Variants in WDR33 observed in about 807,000 individuals in gnomAD.
WDR33 encodes the protein WD repeat domain 33.
A neutral mutation model predicts 164.9 loss-of-function variants in WDR33; 47 were observed. The ratio of observed to expected loss-of-function variants is 0.29; its 90% CI spans 0.23 to 0.36. WDR33 has a LOEUF of 0.36. WDR33 is among the 10% of genes least tolerant of loss of function. WDR33 has a pLI of 1.00. For missense variants in WDR33, 1,137 were observed against 1,754.1 expected, an observed-to-expected ratio of 0.65 and a Z score of 6.28; for synonymous variants, 505 against 589.0, an observed-to-expected ratio of 0.86 and a Z score of 2.06.
rs1365438894 is a variant in WDR33, at chr2:127,730,707, T to C, written c.725-3930A>G. ...AATCATCTTAACATATGTGTGTACA[T>C]TTTGTACATTTTATACTTGTACATT... is the stretch of plus-strand genomic sequence containing the variant. On this transcript the variant is annotated intron_variant, in intron 7 of 21. Coordinates refer to ENST00000322313, the MANE Select transcript of WDR33 (RefSeq NM_018383.5). Among the ~76,000 whole-genome samples the C allele has an allele frequency of 2.0e-5, 3 of 152,328 alleles. No homozygotes were observed. In the East Asian group the frequency reaches 5.8e-4, roughly 29 times the overall value.
At position 127,741,910 on chromosome 2, in the gene WDR33, A is replaced by G. The variant is rs1473118942; in HGVS notation, c.725-15133T>C. On this transcript the variant is annotated intron_variant, in intron 7 of 21. Transcript: ENST00000322313. The surrounding 1 kb of genome is among the most constrained non-coding windows in gnomAD (Gnocchi z 4.1). ...AGTAAACATGCAGTTGATAAAAATA[A>G]CACTTTCCGGCTGGGCACGGTGGCT... Among the ~76,000 whole-genome samples, 1 of 152,170 alleles carries G rather than the reference A, an allele frequency of 6.6e-6. No homozygotes were observed. The highest frequency in any genetic ancestry group is 1.5e-5 in the Non-Finnish European group (1 of 68,024).
chr2:127,759,059 C>A (rs930382773), intron 7 of WDR33, among the ~76,000 whole-genome samples: 5 of 152,022 alleles, frequency 3.3e-5, no homozygotes, highest in African/African-American at 1.2e-4. Flanking sequence ...GGGGAAATTT[C>A]TTTTTAATTT....
At position 127,713,268 on chromosome 2, in the gene WDR33, CAAG is replaced by C. The variant is rs1023293988; in HGVS notation, c.3308+312_3308+314del. Among the ~76,000 whole-genome samples, 1 of 152,124 alleles carries C rather than the reference CAAG, an allele frequency of 6.6e-6. No individual in the cohort carries two copies. The highest frequency in any genetic ancestry group is 1.5e-5 in the Non-Finnish European group (1 of 68,026). On this transcript the variant is annotated intron_variant, in intron 18 of 21. Coordinates refer to ENST00000322313, the MANE Select transcript of WDR33 (RefSeq NM_018383.5). The surrounding 1 kb of genome is among the most constrained non-coding windows in gnomAD (Gnocchi z 6.2). ...CTGCCTCATATTTCCTTATTCTAATCAAGAAGAACCTGGAAATTTTAAGTCAGA... is the reference window on the plus strand; with the variant it reads ...CTGCCTCATATTTCCTTATTCTAATCAAGAACCTGGAAATTTTAAGTCAGA...
intron 1 of WDR33, among the ~76,000 whole-genome samples, chr2:127,783,468 G>A (rs1293900198): frequency 6.6e-6 from 1 of 152,048 alleles, no homozygotes; most frequent in African/African-American, 2.4e-5. Context: ...AAAGCAAAAG[G>A]GTTTTCCTAC....
chr2:127,761,394 G>C (rs1196554493), intron 7 of WDR33, among the ~76,000 whole-genome samples: 7 of 152,084 alleles, frequency 4.6e-5, no homozygotes, highest in Admixed American at 4.6e-4. Flanking sequence ...TAGAGACAGA[G>C]TTTCATGGTG....
intron 7 of WDR33, among the ~76,000 whole-genome samples, chr2:127,761,047 T>G (rs1242477778): frequency 6.6e-6 from 1 of 152,188 alleles, no homozygotes; most frequent in Non-Finnish European, 1.5e-5. Context: ...TGAAACACAT[T>G]CATTACCAAA....
chr2:127,790,684 C>A (rs936457540), intron 1 of WDR33, among the ~76,000 whole-genome samples: 1 of 152,180 alleles, frequency 6.6e-6, no homozygotes, highest in Non-Finnish European at 1.5e-5. Context: ...GACCACAGTT[C>A]ACTGCAGCCT....
intron 7 of WDR33, among the ~76,000 whole-genome samples, chr2:127,729,848 A>G (rs1686660870): frequency 6.6e-6 from 1 of 152,238 alleles, no homozygotes; most frequent in Non-Finnish European, 1.5e-5. Flanking sequence ...ACATGCATGT[A>G]GTATCTAATT....
intron 18 of WDR33, among the ~76,000 whole-genome samples, chr2:127,711,780 A>ATATATTTTTTTTTTT: frequency 1.1e-5 from 1 of 88,320 alleles, no homozygotes; most frequent in East Asian, 2.8e-4. Context: ...ATATATATAT[A>ATATATTTTTTTTTTT]TTTTTTTTTT....
Position 127,712,156 on chromosome 2 carries a change from G to T in WDR33, c.3308+1427C>A, listed in dbSNP as rs1014149508. ...CACGCCTATAATCCCTGCACTCTGG[G>T]GGGGCTGAAGAACGTGGATCACTTG... On this transcript the variant is annotated intron_variant, in intron 18 of 21. Coordinates refer to ENST00000322313, the MANE Select transcript of WDR33 (RefSeq NM_018383.5). This position sits in a 1 kb window ranked among gnomAD's most constrained non-coding sequence, Gnocchi z 4.0. Among the ~76,000 whole-genome samples, 6 of 152,078 alleles carry T rather than the reference G, an allele frequency of 3.9e-5. No individual in the cohort carries two copies. The highest frequency in any genetic ancestry group is 7.4e-5 in the Non-Finnish European group (5 of 67,978).
intron 1 of WDR33, among the ~76,000 whole-genome samples, chr2:127,783,462 C>CA (rs1002663523): frequency 6.6e-6 from 1 of 152,090 alleles, no homozygotes; most frequent in Non-Finnish European, 1.5e-5. Context: ...GCACACAAAG[C>CA]AAAAGGGTTT....
chr2:127,751,754 C>A (rs544301744), intron 7 of WDR33, among the ~76,000 whole-genome samples: 1 of 152,204 alleles, frequency 6.6e-6, no homozygotes, highest in Non-Finnish European at 1.5e-5. Context: ...TACTATACGA[C>A]CTCAAGAAAG....
chr2:127,796,428 C>T (rs1251359438), intron 1 of WDR33, among the ~76,000 whole-genome samples: 2 of 151,838 alleles, frequency 1.3e-5, no homozygotes, highest in Non-Finnish European at 2.9e-5. Context: ...AAAATCTCTA[C>T]TGCAGCAAGC....
chr2:127,732,830 C>T (rs2105393097), intron 7 of WDR33, among the ~76,000 whole-genome samples: 1 of 152,166 alleles, frequency 6.6e-6, no homozygotes, highest in South Asian at 2.1e-4. Context: ...ATTATTATTT[C>T]ATAGAAAAAA....
At chr2:127,736,126 T>G (rs1686834261) in intron 7 of WDR33, 1 of 985,298 alleles carries the variant, frequency 1.0e-6, no homozygotes, top group Non-Finnish European at 1.2e-6. Flanking sequence ...ATATGTACAT[T>G]ATTACAAATC....
At chr2:127,760,585 T>A (rs897983793) in intron 7 of WDR33, among the ~76,000 whole-genome samples, 16 of 152,318 alleles carry the variant, frequency 1.1e-4, no homozygotes, top group Non-Finnish European at 1.8e-4. Context: ...AGCTCTTAGA[T>A]GCATAAAATT....
chr2:127,753,069 G>A (rs1282851688), intron 7 of WDR33, among the ~76,000 whole-genome samples: 2 of 152,186 alleles, frequency 1.3e-5, no homozygotes, highest in African/African-American at 2.4e-5. Flanking sequence ...TGGGATTACA[G>A]GCATGTGCCA....
chr2:127,802,679 T>A (rs572419164), intron 1 of WDR33, among the ~76,000 whole-genome samples: 2 of 152,246 alleles, frequency 1.3e-5, no homozygotes, highest in Non-Finnish European at 2.9e-5. Flanking sequence ...AATAACGTAT[T>A]AAAAAAACTA....
chr2:127,705,968 T>C lies in WDR33; in HGVS notation c.*355A>G, dbSNP rs1685998943. 2 of 237,416 alleles carry C rather than the reference T, an allele frequency of 8.4e-6. No homozygotes were observed. Among genetic ancestry groups the C allele is most frequent in the Non-Finnish European group, 1.6e-5 (2 of 124,514 alleles). 14.7% of individuals were successfully genotyped at this position (237,416 alleles called of 1,614,324 possible). A position where few individuals can be genotyped will look rare whatever the true frequency, so the allele number is the denominator to read the frequency against. On this transcript the variant is annotated 3_prime_UTR_variant, in exon 22 of 22. Transcript: ENST00000322313. This position sits in a 1 kb window ranked among gnomAD's most constrained non-coding sequence, Gnocchi z 4.5. ...TCTGTATTCATACAAAAACTTTGTT[T>C]TTCTCTGACAAACTGTACACATAGA...
Sources: allele counts gnomAD v4.1 joint callset (sites outside exome capture counted in the v4.1 genomes callset), GRCh38; gene constraint gnomAD v4.1.1; non-coding constraint Gnocchi (gnomAD v3.1); transcripts MANE v1.5; gene names NCBI Gene and HGNC (gene_info 2026-07-23, HGNC 2026-07-21).